Variants in DYNC1LI1 observed in about 807,000 individuals in gnomAD.
DYNC1LI1 encodes cytoplasmic dynein 1 light intermediate chain 1.
Under a neutral mutation model 63.8 loss-of-function variants are expected in DYNC1LI1, and 19 were observed. The ratio of observed to expected loss-of-function variants is 0.30; its 90% CI spans 0.21 to 0.44. The LOEUF is 0.44. Among genes scored for constraint, DYNC1LI1 ranks in the 20% least tolerant of loss-of-function variants. The pLI, the probability that DYNC1LI1 is intolerant of heterozygous loss-of-function variation, is 1.00. For synonymous variants in DYNC1LI1, 225 were observed against 232.3 expected, an observed-to-expected ratio of 0.97 and a Z score of 0.28; for missense variants, 565 against 630.2, an observed-to-expected ratio of 0.90 and a Z score of 1.11.
chr3:32,537,638 A>G (rs1451603624), intron 5 of DYNC1LI1, among the ~76,000 whole-genome samples: 1 of 151,244 alleles, frequency 6.6e-6, no homozygotes. Flanking sequence ...AGGAAACTAC[A>G]ACTGATTTTT....
At chr3:32,528,136 A>AAAAAAAAAG in intron 12 of DYNC1LI1, among the ~76,000 whole-genome samples, 1 of 148,476 alleles carries the variant, frequency 6.7e-6, no homozygotes, top group Non-Finnish European at 1.5e-5. Context: ...AAAAAAAAAA[A>AAAAAAAAAG]AAAAAAAAGA....
chr3:32,551,113 T>C (rs1391945710), intron 2 of DYNC1LI1, among the ~76,000 whole-genome samples: 1 of 152,028 alleles, frequency 6.6e-6, no homozygotes, highest in Non-Finnish European at 1.5e-5. Flanking sequence ...GCTCATAAAT[T>C]GGAAGGGGAT....
chr3:32,545,112 A>G lies in DYNC1LI1; in HGVS notation c.338-6T>C. ...AACATTACATCTTGTTTGATCTACAACAGACAAAACAAAGTAACCAAGGCA... is the reference window on the plus strand; with the variant it reads ...AACATTACATCTTGTTTGATCTACAGCAGACAAAACAAAGTAACCAAGGCA... On this transcript the variant is annotated splice_region_variant and splice_polypyrimidine_tract_variant and intron_variant, in intron 3 of 12. Coordinates refer to ENST00000273130, the MANE Select transcript of DYNC1LI1 (RefSeq NM_016141.4). The G allele has an allele frequency of 6.3e-7, 1 of 1,580,842 alleles. No homozygotes were observed. The highest frequency in any genetic ancestry group is 8.7e-7 in the Non-Finnish European group (1 of 1,150,108).
chr3:32,537,927 A>ATATATATATATATAATT (rs1697802340), intron 5 of DYNC1LI1, among the ~76,000 whole-genome samples: 2 of 33,262 alleles, frequency 6.0e-5, no homozygotes, highest in Non-Finnish European at 9.7e-5. Flanking sequence ...TATATATATA[A>ATATATATATATATAATT]TATATATATA....
intron 6 of DYNC1LI1, among the ~76,000 whole-genome samples, chr3:32,535,505 G>A (rs960952018): frequency 1.3e-5 from 2 of 152,138 alleles, no homozygotes; most frequent in Admixed American, 6.5e-5. Flanking sequence ...GACATGACCT[G>A]AGGCTTATAA....
At chr3:32,543,695 C>A (rs909510995) in intron 4 of DYNC1LI1, among the ~76,000 whole-genome samples, 1 of 151,220 alleles carries the variant, frequency 6.6e-6, no homozygotes, top group Non-Finnish European at 1.5e-5. Flanking sequence ...CGTGAGCCAC[C>A]ACGCCTGGCC....
chr3:32,551,307 G>C (rs1698035188), intron 2 of DYNC1LI1, among the ~76,000 whole-genome samples: 1 of 152,070 alleles, frequency 6.6e-6, no homozygotes. Flanking sequence ...TGTCATTCCA[G>C]GAAGTAAGAA....
chr3:32,546,694 C>T (rs982077205), intron 2 of DYNC1LI1, among the ~76,000 whole-genome samples: 3 of 151,992 alleles, frequency 2.0e-5, no homozygotes, highest in Admixed American at 2.0e-4. Flanking sequence ...ACCTAAGGGC[C>T]AATCAAGGGG....
intron 4 of DYNC1LI1, among the ~76,000 whole-genome samples, 181 bp downstream of exon 4, chr3:32,544,695 T>C (rs781487107): frequency 2.0e-5 from 3 of 151,730 alleles, no homozygotes; most frequent in Non-Finnish European, 4.4e-5. Context: ...TGAGCCAAGA[T>C]TGCGCCACTG....
At chr3:32,544,238 G>A (rs1313407744) in intron 4 of DYNC1LI1, among the ~76,000 whole-genome samples, 1 of 151,836 alleles carries the variant, frequency 6.6e-6, no homozygotes, top group Non-Finnish European at 1.5e-5. Context: ...ATCTTTCTAG[G>A]CACATTTCAT....
chr3:32,540,673 C>G lies in DYNC1LI1; in HGVS notation c.738+364G>C, dbSNP rs531216738. On this transcript the variant is annotated intron_variant, in intron 5 of 12. Transcript: ENST00000273130. ...TCCAGCCTGGGCAACAAGAGCAAAA[C>G]TCCGTCTCAAAAAAAAAAAAAAAAA... Among the ~76,000 whole-genome samples the G allele has an allele frequency of 7.7e-3, 1,083 of 140,880 alleles. 18 individuals carry two copies. Among genetic ancestry groups the G allele is most frequent in the African/African-American group, 0.028 (1,034 of 37,510 alleles). The allele number at this position is 140,880 out of a possible 152,430, so 92.4% of individuals were successfully genotyped here.
chr3:32,532,874 C>A, intron 8 of DYNC1LI1, 112 bp downstream of exon 8: 1 of 1,378,254 alleles, frequency 7.3e-7, no homozygotes, highest in Non-Finnish European at 9.3e-7. Context: ...ACTTAGAAAC[C>A]CTCCAGATGG....
In DYNC1LI1 at chr3:32,529,751, A is replaced by G. The variant is rs1254996590; in HGVS notation, c.1186-91T>C. ...TGTAAAAAGAAATTACTTTGCAACTATCCCCTGTTCTACTGGTACTTTTAC... is the reference window on the plus strand; with the variant it reads ...TGTAAAAAGAAATTACTTTGCAACTGTCCCCTGTTCTACTGGTACTTTTAC... On this transcript the variant is annotated intron_variant, in intron 10 of 12. Transcript: ENST00000273130. The G allele has an allele frequency of 2.6e-6, 3 of 1,166,134 alleles. No homozygotes were observed. In the African/African-American group the frequency reaches 4.7e-5, roughly 18 times the overall value. The allele number at this position is 1,166,134 out of a possible 1,614,324, so 72.2% of individuals were successfully genotyped here.
At position 32,558,567 on chromosome 3, in the gene DYNC1LI1, C is replaced by T. The variant is rs529543797; in HGVS notation, c.220+11779G>A. 9.9e-4 allele frequency among the ~76,000 whole-genome samples: 150 copies of T among 152,090 alleles called. 1 individual carries two copies. The highest frequency in any genetic ancestry group is 3.5e-3 in the African/African-American group (144 of 41,522). ...TTCATAATAACAATTAACAGGGGGC[C>T]GGGAGCGGTGGCTCACGCCTGTAAT... is the stretch of plus-strand genomic sequence containing the variant. On this transcript the variant is annotated intron_variant, in intron 2 of 12. Transcript: ENST00000273130.
Position 32,532,990 on chromosome 3 carries a change from C to T in DYNC1LI1, c.1076G>A (p.Arg359Gln), listed in dbSNP as rs768234939. ...ATTATTTACTAAAATGGTTACCTTTCGAACAGGTGGTTTAGTTATGATGTC... is the reference window on the plus strand; with the variant it reads ...ATTATTTACTAAAATGGTTACCTTTTGAACAGGTGGTTTAGTTATGATGTC... ...FEDIITKPPVRKFVHEKEIMA... is the reference protein window; with the variant it reads ...FEDIITKPPVQKFVHEKEIMA... Residue 359 changes from arginine to glutamine, a missense_variant, in exon 8 of 13, where the codon CGA becomes CAA. Physicochemically the swap from Arg to Gln is conservative, Grantham distance 43. Transcript: ENST00000273130. 3.8e-5 allele frequency: 59 copies of T among 1,572,754 alleles called. No individual in the cohort carries two copies. Among genetic ancestry groups the T allele is most frequent in the Non-Finnish European group, 4.9e-5 (57 of 1,167,010 alleles).
In DYNC1LI1 at chr3:32,570,795, C is replaced by A. The variant is rs764354979; in HGVS notation, c.-25G>T. ...TCTTGGTCGGGAATCACACCACTCC[C>A]GGCAAGACTAAATGTGCGAGGCGGC... On this transcript the variant is annotated 5_prime_UTR_variant, in exon 1 of 13. Coordinates refer to ENST00000273130, the MANE Select transcript of DYNC1LI1 (RefSeq NM_016141.4). The A allele has an allele frequency of 6.3e-7, 1 of 1,591,808 alleles. No individual in the cohort carries two copies. The highest frequency in any genetic ancestry group is 1.1e-5 in the South Asian group (1 of 89,134).
chr3:32,529,749 C>T, intron 10 of DYNC1LI1, 89 bp from the exon 11 acceptor site: 1 of 1,187,842 alleles, frequency 8.4e-7, no homozygotes. Context: ...TACTTTGCAA[C>T]TATCCCCTGT....
At chr3:32,528,112 CAAAAAAAAAAAAAAA>C (rs60912161) in intron 12 of DYNC1LI1, among the ~76,000 whole-genome samples, 44 of 29,906 alleles carry the variant, frequency 1.5e-3, no homozygotes, top group Admixed American at 6.7e-3. Flanking sequence ...GACTCCATCT[CAAAAAAAAAAAAAAA>C]AAAAAAAAAA....
chr3:32,532,163 T>C (rs1697706230), intron 8 of DYNC1LI1: 1 of 152,052 alleles, frequency 6.6e-6, no homozygotes, highest in African/African-American at 2.4e-5. Context: ...GATTGATATG[T>C]TAGAGTCGAG....
Sources: allele counts gnomAD v4.1 joint callset (sites outside exome capture counted in the v4.1 genomes callset), GRCh38; gene constraint gnomAD v4.1.1; transcripts MANE v1.5; gene names NCBI Gene and HGNC (gene_info 2026-07-23, HGNC 2026-07-21).